Variants in REPS1 observed in about 807,000 individuals in gnomAD.
REPS1 encodes the protein RALBP1 associated Eps domain containing 1, also known as ralBP1-associated Eps domain-containing protein 1.
In REPS1, 39 loss-of-function variants were observed where a neutral mutation model predicts 100.9. That is an observed-to-expected ratio of 0.39 (90% CI 0.30 to 0.50). REPS1 has a LOEUF of 0.50. REPS1 is among the 20% of genes least tolerant of loss of function. The pLI, the probability that REPS1 is intolerant of heterozygous loss-of-function variation, is 0.86. For missense variants in REPS1, 821 were observed against 968.5 expected (o/e 0.85, Z 2.02); for synonymous variants, 324 against 340.3 (o/e 0.95, Z 0.53).
In REPS1 at chr6:138,987,692, C is replaced by T. The variant is rs896890302; in HGVS notation, c.-10G>A. 1.2e-5 allele frequency: 19 copies of T among 1,536,158 alleles called. No homozygotes were observed. The highest frequency in any genetic ancestry group is 1.7e-5 in the Non-Finnish European group (19 of 1,140,126). On this transcript the variant is annotated 5_prime_UTR_variant, in exon 1 of 20. Transcript: ENST00000450536. ...GCGTTAAGCCTTCCATCTTCGCCTC[C>T]GGCTCACGGCCGCCCCGCCCCGCAT...
chr6:138,943,030 G>A (rs1345732044), intron 7 of REPS1, among the ~76,000 whole-genome samples: 3 of 152,174 alleles, frequency 2.0e-5, no homozygotes, highest in East Asian at 3.9e-4. Flanking sequence ...TTACAGGTAT[G>A]AGCCACCGCA....
intron 13 of REPS1, chr6:138,916,224 T>A (rs7759760): frequency 4.9e-5 from 14 of 288,580 alleles, no homozygotes; most frequent in Non-Finnish European, 6.9e-5. Context: ...TTTTCTTTTT[T>A]TTTTTTTTTT....
chr6:138,908,858 A>T, intron 17 of REPS1, 42 bp from the exon 18 acceptor site: 1 of 1,589,356 alleles, frequency 6.3e-7, no homozygotes, highest in South Asian at 1.1e-5. Context: ...ATTTTTGAAG[A>T]CATTCATAGT....
intron 1 of REPS1, among the ~76,000 whole-genome samples, chr6:138,968,961 T>C (rs1171582807): frequency 6.6e-6 from 1 of 152,162 alleles, no homozygotes; most frequent in African/African-American, 2.4e-5. Context: ...CACATCTCAC[T>C]CTTTGGGGAA....
intron 1 of REPS1, among the ~76,000 whole-genome samples, chr6:138,982,231 G>A (rs189327831): frequency 2.2e-4 from 34 of 152,212 alleles, no homozygotes; most frequent in Non-Finnish European, 3.8e-4. Flanking sequence ...TCTTGTAATT[G>A]ATTTAAACAA....
intron 17 of REPS1, among the ~76,000 whole-genome samples, chr6:138,909,082 T>A (rs1779846537): frequency 6.6e-6 from 1 of 152,204 alleles, no homozygotes; most frequent in Admixed American, 6.5e-5. Flanking sequence ...ATATTCACAG[T>A]TTTAACATAA....
intron 12 of REPS1, among the ~76,000 whole-genome samples, chr6:138,919,732 G>C (rs1253058359): frequency 6.6e-6 from 1 of 152,076 alleles, no homozygotes; most frequent in Admixed American, 6.6e-5. Context: ...TATTTAAAAT[G>C]GCACTCTCTC....
intron 1 of REPS1, among the ~76,000 whole-genome samples, chr6:138,964,323 A>C (rs1783898924): frequency 6.6e-6 from 1 of 152,122 alleles, no homozygotes; most frequent in Non-Finnish European, 1.5e-5. Flanking sequence ...CTTTCCCCCA[A>C]CACTATGTCC....
chr6:138,984,888 A>T (rs903091418), intron 1 of REPS1, among the ~76,000 whole-genome samples: 2 of 152,300 alleles, frequency 1.3e-5, no homozygotes, highest in East Asian at 3.9e-4. Context: ...GTGGCTACCC[A>T]GCAGTCCTTC....
intron 1 of REPS1, among the ~76,000 whole-genome samples, chr6:138,981,841 G>C (rs1024419928): frequency 3.3e-5 from 5 of 152,062 alleles, no homozygotes; most frequent in Admixed American, 3.3e-4. Context: ...CTCTTGTGTC[G>C]CTCCATCAAA....
chr6:138,923,235 C>G (rs1216054093), intron 10 of REPS1, among the ~76,000 whole-genome samples: 1 of 152,052 alleles, frequency 6.6e-6, no homozygotes, highest in African/African-American at 2.4e-5. Flanking sequence ...AGGAGCAACT[C>G]TACTATTTTC....
At chr6:138,940,514 A>C (rs575318079) in intron 8 of REPS1, among the ~76,000 whole-genome samples, 4 of 152,226 alleles carry the variant, frequency 2.6e-5, no homozygotes, top group East Asian at 3.9e-4. Flanking sequence ...TGGGAGGCCA[A>C]GGCGGGCAGA....
At chr6:138,927,341 T>A (rs1299752122) in intron 9 of REPS1, 2 of 152,202 alleles carry the variant, frequency 1.3e-5, no homozygotes, top group Non-Finnish European at 2.9e-5. Context: ...TCAATATTAA[T>A]TACAGTAAAT....
At chr6:138,938,795 T>A (rs1782037433) in intron 8 of REPS1, among the ~76,000 whole-genome samples, 1 of 152,110 alleles carries the variant, frequency 6.6e-6, no homozygotes, top group Non-Finnish European at 1.5e-5. Flanking sequence ...CGAAAGAAAC[T>A]ATTTGAGTAT....
At chr6:138,960,701 T>C (rs1193897114) in intron 1 of REPS1, among the ~76,000 whole-genome samples, 1 of 152,188 alleles carries the variant, frequency 6.6e-6, no homozygotes, top group Non-Finnish European at 1.5e-5. Context: ...TTAGGTAATT[T>C]TGATGATTAT....
chr6:138,978,964 C>T (rs1019674487), intron 1 of REPS1, among the ~76,000 whole-genome samples: 1 of 152,004 alleles, frequency 6.6e-6, no homozygotes, highest in Non-Finnish European at 1.5e-5. Context: ...AGGCAGATCA[C>T]GAGATCAGCA....
intron 1 of REPS1, among the ~76,000 whole-genome samples, chr6:138,967,577 G>A (rs575065536): frequency 6.6e-6 from 1 of 152,084 alleles, no homozygotes; most frequent in Non-Finnish European, 1.5e-5. Flanking sequence ...TTAGGGTAAA[G>A]GTAGTTCAGA....
chr6:138,907,332 GT>G, intron 19 of REPS1, 162 bp downstream of exon 19: 1 of 491,020 alleles, frequency 2.0e-6, no homozygotes, highest in Non-Finnish European at 3.7e-6. Flanking sequence ...GTGTGTGTGT[GT>G]GTGTGTGGCG....
At chr6:138,974,450 A>G (rs553921256) in intron 1 of REPS1, among the ~76,000 whole-genome samples, 4 of 152,354 alleles carry the variant, frequency 2.6e-5, no homozygotes, top group Non-Finnish European at 2.9e-5. Context: ...TCAGCTAAAT[A>G]CAATGACTAT....
Sources: allele counts gnomAD v4.1 joint callset (sites outside exome capture counted in the v4.1 genomes callset), GRCh38; gene constraint gnomAD v4.1.1; transcripts MANE v1.5; gene names NCBI Gene and HGNC (gene_info 2026-07-23, HGNC 2026-07-21).